CEP57: variants seen among roughly 807,000 people sequenced by gnomAD.
CEP57 encodes the protein centrosomal protein 57.
CEP57 carries 40 observed loss-of-function variants against 68.0 expected under a neutral mutation model. The observed-to-expected ratio is 0.59, with a 90% CI of 0.46 to 0.77. CEP57 has a LOEUF of 0.77. Ranked by LOEUF, CEP57 falls within the 30% of genes least tolerant of loss-of-function variation. The pLI is 0.00. For missense variants in CEP57, 606 were observed against 580.7 expected, an observed-to-expected ratio of 1.04 and a Z score of -0.45; for synonymous variants, 219 against 198.7, an observed-to-expected ratio of 1.10 and a Z score of -0.86.
intron 2 of CEP57, among the ~76,000 whole-genome samples, chr11:95,803,495 A>G (rs1463144217): frequency 1.3e-5 from 2 of 152,154 alleles, no homozygotes; most frequent in Non-Finnish European, 2.9e-5. Flanking sequence ...AAAGTCAGAA[A>G]GGTGGAGAAC....
chr11:95,819,848 G>A (rs536839711), intron 6 of CEP57, among the ~76,000 whole-genome samples: 6 of 152,250 alleles, frequency 3.9e-5, no homozygotes, highest in South Asian at 2.1e-4. Context: ...GACTTATTTT[G>A]TATTAAATCT....
In CEP57 at chr11:95,829,190, TCACC is replaced by T. The variant is rs1415963364; in HGVS notation, c.1132_1135del (p.His378SerfsTer15). The T allele has an allele frequency of 6.2e-7, 1 of 1,613,864 alleles. No individual in the cohort carries two copies. The highest frequency in any genetic ancestry group is 1.7e-5 in the Admixed American group (1 of 60,004). ...TCTACTTCTGCTTTGTATATAGTGATCACCAGCAGCTTGCAAAACTTATCCAGGA... is the reference window on the plus strand; with the variant it reads ...TCTACTTCTGCTTTGTATATAGTGATAGCAGCTTGCAAAACTTATCCAGGA... On this transcript the variant is annotated frameshift_variant, in exon 10 of 11. Transcript: ENST00000325542. LOFTEE classifies it high-confidence loss of function.
chr11:95,793,763 A>G (rs1006715372), intron 1 of CEP57, among the ~76,000 whole-genome samples: 1 of 152,212 alleles, frequency 6.6e-6, no homozygotes, highest in African/African-American at 2.4e-5. Flanking sequence ...GTTGAGTCAA[A>G]GTTCTCTAGC....
In CEP57 at chr11:95,790,601, C is replaced by T. The variant is rs571857004; in HGVS notation, c.-98C>T. On this transcript the variant is annotated 5_prime_UTR_variant, in exon 1 of 11. Coordinates refer to ENST00000325542, the MANE Select transcript of CEP57 (RefSeq NM_014679.5). Reference sequence around the variant, plus strand: ...TGCCCTTTTCCATCAGGGGTTCAGCCTAGGGTCCCCGCTGGTGGGCGGCTC... The same window carrying T: ...TGCCCTTTTCCATCAGGGGTTCAGCTTAGGGTCCCCGCTGGTGGGCGGCTC... The T allele has an allele frequency of 9.0e-5, 131 of 1,461,112 alleles. No individual in the cohort carries two copies. Among genetic ancestry groups the T allele is most frequent in the Admixed American group, 4.3e-4 (22 of 51,720 alleles). The allele number at this position is 1,461,112 out of a possible 1,614,324, so 90.5% of individuals were successfully genotyped here.
At chr11:95,818,713 T>A in intron 5 of CEP57, 114 bp from the exon 6 acceptor site, 1 of 794,980 alleles carries the variant, frequency 1.3e-6, no homozygotes, top group East Asian at 2.6e-5. Context: ...TACAGTGATC[T>A]AACCACCTTA....
chr11:95,799,143 C>T (rs1400008931), intron 1 of CEP57, 89 bp from the exon 2 acceptor site: 2 of 1,285,924 alleles, frequency 1.6e-6, no homozygotes, highest in African/African-American at 2.9e-5. Context: ...TCTGTATGGA[C>T]AGTCAATCTC....
rs779271922 is a variant in CEP57, at chr11:95,812,859, A to C, written c.203-73A>C. 1.7e-5 allele frequency: 22 copies of C among 1,320,574 alleles called. No homozygotes were observed. In the Admixed American group the frequency reaches 2.3e-4, roughly 14 times the overall value. The allele number at this position is 1,320,574 out of a possible 1,614,324, so 81.8% of individuals were successfully genotyped here. A position where few individuals can be genotyped will look rare whatever the true frequency, so the allele number is the denominator to read the frequency against. On this transcript the variant is annotated intron_variant, in intron 2 of 10. Coordinates refer to ENST00000325542, the MANE Select transcript of CEP57 (RefSeq NM_014679.5). ...ATCAATTTTATTTTTTATTTAGATG[A>C]GTTTATTCTTTCTTAATATACTTTC...
chr11:95,799,707 C>T (rs539439259), intron 2 of CEP57, among the ~76,000 whole-genome samples: 7 of 152,022 alleles, frequency 4.6e-5, no homozygotes, highest in Non-Finnish European at 1.0e-4. Context: ...TTTTTGTGTT[C>T]TCATTGCTTT....
intron 2 of CEP57, among the ~76,000 whole-genome samples, chr11:95,810,851 A>G (rs575345759): frequency 6.6e-6 from 1 of 152,360 alleles, no homozygotes; most frequent in East Asian, 1.9e-4. Context: ...AAACTACTTT[A>G]AAGTTCATAC....
intron 2 of CEP57, among the ~76,000 whole-genome samples, chr11:95,804,485 A>T (rs1214393585): frequency 6.6e-6 from 1 of 152,200 alleles, no homozygotes; most frequent in East Asian, 1.9e-4. Context: ...CGACTGGAGA[A>T]CAAAGCTCTA....
intron 4 of CEP57, among the ~76,000 whole-genome samples, chr11:95,817,541 CATAAAG>C: frequency 6.6e-6 from 1 of 152,144 alleles, no homozygotes; most frequent in South Asian, 2.1e-4. Flanking sequence ...TATCCCAGAG[CATAAAG>C]ATAATGTCAC....
intron 2 of CEP57, among the ~76,000 whole-genome samples, chr11:95,811,557 T>TA (rs1034856096): frequency 2.0e-5 from 3 of 150,704 alleles, no homozygotes; most frequent in Non-Finnish European, 4.4e-5. Context: ...TGAGCACATG[T>TA]ACCCTAGAGC....
chr11:95,795,568 C>G, intron 1 of CEP57: 1 of 533,656 alleles, frequency 1.9e-6, no homozygotes, highest in Non-Finnish European at 3.3e-6. Context: ...ATGTAGGTAT[C>G]TTTGTCTTAC....
intron 7 of CEP57, 176 bp downstream of exon 7, chr11:95,822,154 G>A: frequency 1.6e-6 from 1 of 624,276 alleles, no homozygotes; most frequent in East Asian, 2.8e-5. Flanking sequence ...TATCCTGATA[G>A]TGAGAAAATA....
chr11:95,790,346 G>T, upstream of CEP57: 1 of 416,054 alleles, frequency 2.4e-6, no homozygotes, highest in South Asian at 2.8e-5. Flanking sequence ...TCCCCGCAGA[G>T]CCGGCCTGTA....
At chr11:95,829,114 A>G (rs1204250496) in intron 9 of CEP57, 73 bp from the exon 10 acceptor site, 3 of 1,493,098 alleles carry the variant, frequency 2.0e-6, no homozygotes, top group Non-Finnish European at 2.8e-6. Flanking sequence ...GCAGTAACCC[A>G]TAATGAGGTA....
At chr11:95,822,632 C>A in intron 8 of CEP57, 56 bp downstream of exon 8, 1 of 1,372,416 alleles carries the variant, frequency 7.3e-7, no homozygotes, top group South Asian at 1.2e-5. Flanking sequence ...TGAATTAAGT[C>A]CCTGCATCTG....
chr11:95,800,805 G>A (rs562199244), intron 2 of CEP57, among the ~76,000 whole-genome samples: 2 of 152,198 alleles, frequency 1.3e-5, no homozygotes, highest in African/African-American at 4.8e-5. Flanking sequence ...ATGAAAAGAT[G>A]GTTTTGATAT....
In CEP57 at chr11:95,817,882, C is replaced by T. The variant is rs745835188; in HGVS notation, c.600C>T (p.Thr200=). ...TTGAACAGGAGTATAACAAACTTAC[C>T]ACAATGCAGGCCCTTGCAGAAGTCA... ...DLLEQEYNKL[T]TMQALAEKKM... is the part of the protein sequence containing the mutation. The change falls in exon 5 of 11, where the codon ACC becomes ACT. Residue 200 remains threonine (T), a synonymous_variant. Transcript: ENST00000325542. 20 of 1,611,748 alleles carry T rather than the reference C, an allele frequency of 1.2e-5. No homozygotes were observed. The highest frequency in any genetic ancestry group is 1.7e-5 in the Admixed American group (1 of 59,952).
Sources: allele counts gnomAD v4.1 joint callset (sites outside exome capture counted in the v4.1 genomes callset), GRCh38; gene constraint gnomAD v4.1.1; transcripts MANE v1.5; gene names NCBI Gene and HGNC (gene_info 2026-07-23, HGNC 2026-07-21).